Variants in ANAPC7 observed in about 807,000 individuals in gnomAD.
The protein encoded by ANAPC7 is anaphase-promoting complex subunit 7.
Under a neutral mutation model 63.3 loss-of-function variants are expected in ANAPC7, and 25 were observed. The ratio of observed to expected loss-of-function variants is 0.39; its 90% CI spans 0.29 to 0.55. ANAPC7 has a LOEUF of 0.55. Ranked by LOEUF, ANAPC7 falls within the 20% of genes least tolerant of loss-of-function variation. The pLI, the probability that ANAPC7 is intolerant of heterozygous loss-of-function variation, is 0.57. For missense variants in ANAPC7, 516 were observed against 691.7 expected (o/e 0.75, Z 2.85); for synonymous variants, 241 against 251.7 (o/e 0.96, Z 0.40).
At chr12:110,394,353 GCGGTGGCTCC>G in intron 3 of ANAPC7, among the ~76,000 whole-genome samples, 1 of 150,872 alleles carries the variant, frequency 6.6e-6, no homozygotes, top group South Asian at 2.1e-4. Context: ...TTGGCCAGGT[GCGGTGGCTCC>G]CGCCTGTAAT....
At chr12:110,397,223 C>T (rs891046777) in intron 1 of ANAPC7, among the ~76,000 whole-genome samples, 2 of 149,912 alleles carry the variant, frequency 1.3e-5, no homozygotes, top group Non-Finnish European at 3.0e-5. Flanking sequence ...AAAACCAATG[C>T]ACAAAAAGAA....
rs202161891 is a variant in ANAPC7 at position 110,403,498 on chromosome 12, G to A, written c.101+29C>T. The A allele has an allele frequency of 2.3e-4, 353 of 1,560,278 alleles. 2 individuals are homozygous for A. The African/African-American group carries it at 3.4e-3, about 15-fold the overall frequency. On this transcript the variant is annotated intron_variant, in intron 1 of 10. Coordinates refer to ENST00000455511, the MANE Select transcript of ANAPC7 (RefSeq NM_016238.3). ...CCAGACCGCCGCCGCTTTCTCCTCA[G>A]CCCCAGGCAGCTACCCGCCTCAACT...
intron 1 of ANAPC7, among the ~76,000 whole-genome samples, chr12:110,401,343 T>C (rs1299759873): frequency 3.3e-5 from 5 of 152,152 alleles, no homozygotes; most frequent in Non-Finnish European, 7.3e-5. Context: ...CTCCCTGAGG[T>C]TGTACTCACT....
At chr12:110,389,007 G>C (rs546510610) in intron 3 of ANAPC7, among the ~76,000 whole-genome samples, 1 of 151,404 alleles carries the variant, frequency 6.6e-6, no homozygotes, top group African/African-American at 2.4e-5. Context: ...GTGTGAAACC[G>C]GGAGGCGGAG....
intron 5 of ANAPC7, chr12:110,387,035 G>A (rs1882511847): frequency 6.6e-6 from 1 of 152,450 alleles, no homozygotes; most frequent in Non-Finnish European, 1.5e-5. Flanking sequence ...TTCAAGACCA[G>A]CTTGGGCAAC....
intron 6 of ANAPC7, among the ~76,000 whole-genome samples, chr12:110,384,132 G>A (rs1243059202): frequency 6.6e-6 from 1 of 152,006 alleles, no homozygotes; most frequent in Non-Finnish European, 1.5e-5. Context: ...AACTCAGAGG[G>A]CGGATGTTGC....
At chr12:110,387,335 G>GAGAGAGAGAGA (rs1566269122) in intron 5 of ANAPC7, 21 of 22,234 alleles carry the variant, frequency 9.4e-4, no homozygotes, top group East Asian at 2.4e-3. Flanking sequence ...GAGAGAGAGA[G>GAGAGAGAGAGA]GCAGAGAGAG....
At chr12:110,382,461 A>AATATATATATATATATATATATAT (rs66967302) in intron 7 of ANAPC7, among the ~76,000 whole-genome samples, 1 of 30,844 alleles carries the variant, frequency 3.2e-5, no homozygotes, top group Non-Finnish European at 6.1e-5. Context: ...AAAAAAAAAA[A>AATATATATATATATATATATATAT]ATATATATAT....
At chr12:110,387,968 A>ATCT in intron 4 of ANAPC7, 76 bp from the exon 5 acceptor site, 1 of 1,523,754 alleles carries the variant, frequency 6.6e-7, no homozygotes, top group Non-Finnish European at 8.9e-7. Flanking sequence ...AACGGGCTAC[A>ATCT]TCTTCCCTTG....
At chr12:110,394,394 A>G (rs1388840479) in intron 3 of ANAPC7, among the ~76,000 whole-genome samples, 1 of 151,816 alleles carries the variant, frequency 6.6e-6, no homozygotes, top group African/African-American at 2.4e-5. Context: ...TGGGAGGCCG[A>G]GGTGGGCGGA....
intron 8 of ANAPC7, among the ~76,000 whole-genome samples, chr12:110,381,351 T>TG (rs1187846758): frequency 6.6e-6 from 1 of 152,018 alleles, no homozygotes; most frequent in South Asian, 2.1e-4. Flanking sequence ...TTGTTGTTGT[T>TG]TTAATAGATG....
At chr12:110,377,322 A>G in intron 9 of ANAPC7, 71 bp downstream of exon 9, 1 of 1,336,942 alleles carries the variant, frequency 7.5e-7, no homozygotes, top group Non-Finnish European at 1.1e-6. Context: ...TAGCTGGGAC[A>G]AGGGGCTCCA....
intron 3 of ANAPC7, 42 bp from the exon 4 acceptor site, chr12:110,388,665 T>C: frequency 2.8e-6 from 4 of 1,418,368 alleles, no homozygotes; most frequent in South Asian, 2.4e-5. Context: ...AAGCGTATAT[T>C]GCAAAGAAAA....
rs370892553 is a variant in ANAPC7, at chr12:110,396,435, G to A, written c.119C>T (p.Pro40Leu). Residue 40 changes from proline (P) to leucine (L), a missense_variant, in exon 2 of 11, where the codon CCT (proline) becomes CTT (leucine). Physicochemically the swap from Pro to Leu is moderately conservative, Grantham distance 98. Coordinates refer to ENST00000455511, the MANE Select transcript of ANAPC7 (RefSeq NM_016238.3). ...ATACACCAAAAGCTGGTACTTCTGA[G>A]GTGGGGAGAATAACTCACTAGAAAA... ...SNNNPELFSP[P>L]QKYQLLVYHA... 3.7e-6 allele frequency: 6 copies of A among 1,608,602 alleles called. No homozygotes were observed.
chr12:110,386,609 A>C (rs1882477266), intron 5 of ANAPC7, 140 bp from the exon 6 acceptor site: 1 of 821,826 alleles, frequency 1.2e-6, no homozygotes, highest in African/African-American at 1.7e-5. Context: ...CTTTAAGCTT[A>C]TGACTTTAAA....
At chr12:110,374,851 C>T (rs1052970292) in intron 10 of ANAPC7, among the ~76,000 whole-genome samples, 3 of 152,104 alleles carry the variant, frequency 2.0e-5, no homozygotes, top group African/African-American at 7.2e-5. Flanking sequence ...TAGGTCAGAC[C>T]CCAGGACCCA....
intron 3 of ANAPC7, among the ~76,000 whole-genome samples, chr12:110,389,312 T>C (rs186528084): frequency 6.6e-6 from 1 of 152,138 alleles, no homozygotes; most frequent in Non-Finnish European, 1.5e-5. Flanking sequence ...CTATCTCACA[T>C]AAGAAAGTGA....
At chr12:110,391,667 T>C (rs1883095255) in intron 3 of ANAPC7, among the ~76,000 whole-genome samples, 1 of 152,194 alleles carries the variant, frequency 6.6e-6, no homozygotes, top group Admixed American at 6.5e-5. Context: ...AAGCAGTGGA[T>C]GCTATAAAGC....
intron 1 of ANAPC7, among the ~76,000 whole-genome samples, chr12:110,402,201 A>T (rs1180222426): frequency 2.0e-5 from 3 of 152,124 alleles, no homozygotes; most frequent in Non-Finnish European, 2.9e-5. Flanking sequence ...AAACAAATAA[A>T]AACAAATAAC....
Sources: allele counts gnomAD v4.1 joint callset (sites outside exome capture counted in the v4.1 genomes callset), GRCh38; gene constraint gnomAD v4.1.1; transcripts MANE v1.5; gene names NCBI Gene and HGNC (gene_info 2026-07-23, HGNC 2026-07-21).